The following TNFRSF10C variants were observed in gnomAD, a reference collection of about 807,000 sequenced individuals.
TNFRSF10C encodes the protein tumor necrosis factor receptor superfamily member 10C.
TNFRSF10C carries 17 observed loss-of-function variants against 16.7 expected under a neutral mutation model. The observed-to-expected ratio is 1.02, with a 90% confidence interval of 0.70 to 1.53. The LOEUF is 1.53. Ranked by LOEUF, TNFRSF10C falls within the 40% of genes most tolerant of loss-of-function variation. The pLI is 0.00. For missense variants in TNFRSF10C, 237 were observed against 329.7 expected, an observed-to-expected ratio of 0.72 and a Z score of 2.18; for synonymous variants, 73 against 119.7, an observed-to-expected ratio of 0.61 and a Z score of 2.55.
chr8:23,111,822 GC>G lies in TNFRSF10C; in HGVS notation c.164del (p.Ala55GlufsTer49). On this transcript the variant is annotated frameshift_variant and splice_region_variant, in exon 2 of 5. Coordinates refer to ENST00000356864, the MANE Select transcript of TNFRSF10C (RefSeq NM_003841.5). LOFTEE classifies it high-confidence loss of function. ...CAGCTTCAAGGGGGAGGAGTGTCCAGCAGGTGCACTCTTATTTTTAAAAATC... is the reference window on the plus strand; with the variant it reads ...CAGCTTCAAGGGGGAGGAGTGTCCAGAGGTGCACTCTTATTTTTAAAAATC... ...RHSFKGEECP[A>X]GSHRSEHTGA... is the part of the protein sequence containing the mutation. The G allele has an allele frequency of 6.2e-7, 1 of 1,613,884 alleles. No individual in the cohort carries two copies. The highest frequency in any genetic ancestry group is 8.5e-7 in the Non-Finnish European group (1 of 1,179,810).
intron 3 of TNFRSF10C, 68 bp from the exon 4 acceptor site, chr8:23,115,439 TG>T: frequency 1.5e-6 from 2 of 1,324,568 alleles, no homozygotes; most frequent in Non-Finnish European, 2.1e-6. Context: ...TGGGAGGGGG[TG>T]GGTGGTAAGG....
Position 23,107,293 on chromosome 8 carries a change from G to A in TNFRSF10C, c.60+4112G>A, listed in dbSNP as rs191458527. Among the ~76,000 whole-genome samples the A allele has an allele frequency of 5.3e-5, 8 of 152,260 alleles. No individual in the cohort carries two copies. The East Asian group carries it at 5.8e-4, about 11-fold the overall frequency. Reference sequence around the variant, plus strand: ...CTGATTCCATTTCTCATTAAAATTCGACCAATCTATTCTGACAAAAAGCAG... The same window carrying A: ...CTGATTCCATTTCTCATTAAAATTCAACCAATCTATTCTGACAAAAAGCAG... On this transcript the variant is annotated intron_variant, in intron 1 of 4. Transcript: ENST00000356864.
chr8:23,110,840 G>C (rs1813867476), intron 1 of TNFRSF10C, among the ~76,000 whole-genome samples: 2 of 152,148 alleles, frequency 1.3e-5, no homozygotes, highest in African/African-American at 4.8e-5. Flanking sequence ...GTGAGTGAGA[G>C]ACAGAATTCA....
chr8:23,103,392 C>A, intron 1 of TNFRSF10C: 2 of 807,104 alleles, frequency 2.5e-6, no homozygotes, highest in South Asian at 1.7e-5. Flanking sequence ...AGAGGCGGTC[C>A]CCCTGGCTGC....
In TNFRSF10C at chr8:23,117,108, G is replaced by A. The variant is rs1445174849; in HGVS notation, c.*77G>A. The A allele has an allele frequency of 5.1e-6, 8 of 1,559,784 alleles. No individual in the cohort carries two copies. Among genetic ancestry groups the A allele is most frequent in the African/African-American group, 1.4e-5 (1 of 73,932 alleles). On this transcript the variant is annotated 3_prime_UTR_variant, in exon 5 of 5. Transcript: ENST00000356864. ...CGCTGGCTGAGGGCGGGGGGCGCTG[G>A]ACACTCTCTGCCCTGCCTCCCTCTG... is the stretch of plus-strand genomic sequence containing the variant.
Position 23,115,547 on chromosome 8 carries a change from C to G in TNFRSF10C, c.320C>G (p.Thr107Arg), listed in dbSNP as rs1813964304. ...AGTTCCTGCACCATGACCAGAGACA[C>G]AGTGTGTCAGTGTAAAGAAGGCACC... ...HKSSCTMTRD[T>R]VCQCKEGTFR... Residue 107 changes from threonine (T) to arginine (R), a missense_variant, in exon 4 of 5, where the codon ACA (threonine) becomes AGA (arginine). Transcript: ENST00000356864. 4 of 1,613,304 alleles carry G rather than the reference C, an allele frequency of 2.5e-6. No individual in the cohort carries two copies. The Admixed American group carries it at 6.7e-5, about 27-fold the overall frequency.
intron 2 of TNFRSF10C, among the ~76,000 whole-genome samples, chr8:23,113,419 T>A (rs1813917055): frequency 6.6e-6 from 1 of 152,234 alleles, no homozygotes; most frequent in South Asian, 2.1e-4. Context: ...TGTGGTAGTT[T>A]TACCATTTCA....
chr8:23,103,235 G>C (rs548064428), intron 1 of TNFRSF10C, 54 bp downstream of exon 1: 4 of 1,584,526 alleles, frequency 2.5e-6, no homozygotes, highest in East Asian at 2.3e-5. Flanking sequence ...GCGCCGGGAG[G>C]GGGCAGGGAG....
intron 2 of TNFRSF10C, 138 bp downstream of exon 2, chr8:23,111,963 C>A: frequency 1.1e-6 from 1 of 913,176 alleles, no homozygotes; most frequent in Non-Finnish European, 1.7e-6. Flanking sequence ...CATACTTAAT[C>A]ATGTATTCGT....
intron 2 of TNFRSF10C, among the ~76,000 whole-genome samples, chr8:23,113,724 A>T (rs62501086): frequency 0.31 from 46,790 of 152,136 alleles, 8,609 homozygotes; most frequent in Middle Eastern, 0.45. Flanking sequence ...AAAATCAGGT[A>T]GTACGATGCC....
Position 23,117,203 on chromosome 8 carries a change from C to T in TNFRSF10C, c.*172C>T. 9.9e-7 allele frequency: 1 copy of T among 1,013,248 alleles called. No individual in the cohort carries two copies. The highest frequency in any genetic ancestry group is 1.6e-5 in the South Asian group (1 of 62,096). 62.8% of individuals were successfully genotyped at this position (1,013,248 alleles called of 1,614,324 possible). ...GGTGTCTCCAGCCTGGCTCTATCTTCCTCCTTGTGATCGTCCCATCCCCAC... is the reference window on the plus strand; with the variant it reads ...GGTGTCTCCAGCCTGGCTCTATCTTTCTCCTTGTGATCGTCCCATCCCCAC... On this transcript the variant is annotated 3_prime_UTR_variant, in exon 5 of 5. Transcript: ENST00000356864.
intron 1 of TNFRSF10C, among the ~76,000 whole-genome samples, chr8:23,107,238 G>A (rs1021472744): frequency 1.3e-5 from 2 of 152,200 alleles, no homozygotes; most frequent in African/African-American, 4.8e-5. Context: ...ATTATGTCGT[G>A]TGAAGGAATC....
At position 23,104,349 on chromosome 8, in the gene TNFRSF10C, C is replaced by T. The variant is rs576746725; in HGVS notation, c.60+1168C>T. On this transcript the variant is annotated intron_variant, in intron 1 of 4. Transcript: ENST00000356864. ...TCACATTAGATGTTTTATGGCAGTA[C>T]ATTCAGATTGATCTTCTTTTAAACA... is the stretch of plus-strand genomic sequence containing the variant. Among the ~76,000 whole-genome samples, 10 of 152,346 alleles carry T rather than the reference C, an allele frequency of 6.6e-5. No homozygotes were observed. The South Asian group carries it at 2.1e-3, about 32-fold the overall frequency.
chr8:23,113,938 G>C (rs986623002), intron 2 of TNFRSF10C, among the ~76,000 whole-genome samples: 2 of 148,938 alleles, frequency 1.3e-5, no homozygotes, highest in African/African-American at 5.0e-5. Context: ...CCAGGTGACA[G>C]AGCAAGACTC....
At chr8:23,107,212 C>A in intron 1 of TNFRSF10C, among the ~76,000 whole-genome samples, 1 of 152,138 alleles carries the variant, frequency 6.6e-6, no homozygotes, top group Admixed American at 6.5e-5. Context: ...AACAGAAAAA[C>A]AGAAAAACAC....
chr8:23,111,476 C>T (rs1410691976), intron 1 of TNFRSF10C, among the ~76,000 whole-genome samples: 2 of 150,990 alleles, frequency 1.3e-5, no homozygotes, highest in Non-Finnish European at 2.9e-5. Flanking sequence ...CAGACTTCCA[C>T]ATTGCTGGGA....
intron 1 of TNFRSF10C, among the ~76,000 whole-genome samples, chr8:23,108,067 A>C (rs1174936659): frequency 6.6e-6 from 1 of 152,188 alleles, no homozygotes; most frequent in African/African-American, 2.4e-5. Context: ...CCTCCTGAGA[A>C]GAAAGAACTG....
chr8:23,106,130 G>A (rs1813770452), intron 1 of TNFRSF10C, among the ~76,000 whole-genome samples: 1 of 152,210 alleles, frequency 6.6e-6, no homozygotes, highest in African/African-American at 2.4e-5. Flanking sequence ...TGTGCCTGGA[G>A]TCCGCCGGAG....
At position 23,116,635 on chromosome 8, in the gene TNFRSF10C, A is replaced by C; in HGVS notation, c.390-6A>C. The C allele has an allele frequency of 1.2e-6, 2 of 1,611,902 alleles. No homozygotes were observed. Among genetic ancestry groups the C allele is most frequent in the Non-Finnish European group, 1.7e-6 (2 of 1,178,610 alleles). ...AGTCCTCACCTCCCTCTCTGTGTGT[A>C]CCCAGGTGCCCTAGTGGGGAAGTCC... On this transcript the variant is annotated splice_region_variant and splice_polypyrimidine_tract_variant and intron_variant, in intron 4 of 4. Coordinates refer to ENST00000356864, the MANE Select transcript of TNFRSF10C (RefSeq NM_003841.5).
Sources: allele counts gnomAD v4.1 joint callset (sites outside exome capture counted in the v4.1 genomes callset), GRCh38; gene constraint gnomAD v4.1.1; transcripts MANE v1.5; gene names NCBI Gene and HGNC (gene_info 2026-07-23, HGNC 2026-07-21).